Variants in ANKFN1 observed in about 807,000 individuals in gnomAD.
ANKFN1 encodes ankyrin repeat and fibronectin type III domain containing 1.
In ANKFN1, 74 loss-of-function variants were observed where a neutral mutation model predicts 108.7. The ratio of observed to expected loss-of-function variants is 0.68; its 90% CI spans 0.56 to 0.83. The LOEUF is 0.83. Ranked by LOEUF, ANKFN1 falls within the 40% of genes least tolerant of loss-of-function variation. The pLI is 0.00. For synonymous variants in ANKFN1, 547 were observed against 516.2 expected (o/e 1.06, Z -0.81); for missense variants, 1,505 against 1,382.3 (o/e 1.09, Z -1.41).
chr17:56,129,494 A>C, intron 4 of ANKFN1, among the ~76,000 whole-genome samples: 1 of 152,198 alleles, frequency 6.6e-6, no homozygotes, highest in African/African-American at 2.4e-5. Flanking sequence ...CCATAAAAAA[A>C]AAAAAGTACA....
intron 3 of ANKFN1, among the ~76,000 whole-genome samples, chr17:56,300,755 C>T (rs1215614442): frequency 1.3e-5 from 2 of 152,144 alleles, no homozygotes; most frequent in Admixed American, 1.3e-4. Flanking sequence ...AGGCAGATGT[C>T]AATCATTGGC....
At chr17:56,141,376 C>A (rs911264354) in intron 4 of ANKFN1, among the ~76,000 whole-genome samples, 4 of 152,150 alleles carry the variant, frequency 2.6e-5, no homozygotes. Flanking sequence ...CTGGCGATTT[C>A]CCCTCCATTT....
intron 6 of ANKFN1, among the ~76,000 whole-genome samples, chr17:56,364,228 A>C (rs2046601767): frequency 6.6e-6 from 1 of 152,144 alleles, no homozygotes; most frequent in Non-Finnish European, 1.5e-5. Flanking sequence ...TTATAATAAA[A>C]TAAAATTTAA....
chr17:56,338,750 G>A (rs2045883214), intron 4 of ANKFN1, among the ~76,000 whole-genome samples: 2 of 151,910 alleles, frequency 1.3e-5, no homozygotes. Context: ...CAAGATCCCA[G>A]CAAGAATCAT....
intron 8 of ANKFN1, among the ~76,000 whole-genome samples, chr17:56,408,406 C>T (rs28750350): frequency 0.019 from 2,915 of 152,100 alleles, 80 homozygotes; most frequent in African/African-American, 0.065. Context: ...CTCTGGGTTC[C>T]TGTTATGAAT....
intron 8 of ANKFN1, among the ~76,000 whole-genome samples, chr17:56,393,085 G>A (rs565113489): frequency 4.6e-5 from 7 of 152,000 alleles, no homozygotes; most frequent in African/African-American, 7.2e-5. Context: ...CCTTCATATG[G>A]TATAGTGACT....
intron 8 of ANKFN1, among the ~76,000 whole-genome samples, chr17:56,429,564 A>C (rs1472051850): frequency 2.6e-5 from 4 of 152,240 alleles, no homozygotes; most frequent in African/African-American, 4.8e-5. Flanking sequence ...GGCTATACAG[A>C]GACAGGCAGC....
At chr17:56,104,964 A>T (rs1905716749) in intron 4 of ANKFN1, among the ~76,000 whole-genome samples, 1 of 152,130 alleles carries the variant, frequency 6.6e-6, no homozygotes, top group African/African-American at 2.4e-5. Flanking sequence ...GTGAGAGGTG[A>T]TCTTTGCTCC....
intron 4 of ANKFN1, among the ~76,000 whole-genome samples, chr17:56,350,368 T>C (rs1474239109): frequency 1.3e-5 from 2 of 152,084 alleles, no homozygotes; most frequent in Non-Finnish European, 2.9e-5. Flanking sequence ...TGGATGTAAG[T>C]AGAAAAGTCC....
Position 56,244,272 on chromosome 17 carries a change from A to G in ANKFN1, c.53+16315A>G, listed in dbSNP as rs545111674. ...AATAAAAAAAGACAAGACAATGCCTATTCCCTTAAGGAGCTTATATTCCAG... is the reference window on the plus strand; with the variant it reads ...AATAAAAAAAGACAAGACAATGCCTGTTCCCTTAAGGAGCTTATATTCCAG... On this transcript the variant is annotated intron_variant, in intron 3 of 20. Coordinates refer to ENST00000682825, the MANE Select transcript of ANKFN1 (RefSeq NM_001370326.1). Among the ~76,000 whole-genome samples the G allele has an allele frequency of 8.5e-5, 13 of 152,268 alleles. No individual in the cohort carries two copies. In the East Asian group the frequency reaches 2.1e-3, roughly 25 times the overall value.
At chr17:56,461,932 A>G (rs1381005379) in intron 14 of ANKFN1, among the ~76,000 whole-genome samples, 1 of 152,206 alleles carries the variant, frequency 6.6e-6, no homozygotes, top group African/African-American at 2.4e-5. Context: ...TACCACCTGG[A>G]TGGATAGCTC....
intron 4 of ANKFN1, among the ~76,000 whole-genome samples, chr17:56,078,994 T>C (rs151114623): frequency 3.3e-5 from 5 of 152,278 alleles, no homozygotes; most frequent in Admixed American, 3.3e-4. Context: ...GCCAGCATTT[T>C]AGAGTGATCA....
intron 4 of ANKFN1, among the ~76,000 whole-genome samples, chr17:56,112,061 T>C (rs892438610): frequency 1.3e-5 from 2 of 152,246 alleles, no homozygotes; most frequent in Non-Finnish European, 2.9e-5. Flanking sequence ...ATTAAATTTG[T>C]TCATGCAAGG....
chr17:56,387,620 G>T (rs2047312541), intron 8 of ANKFN1, among the ~76,000 whole-genome samples: 1 of 152,196 alleles, frequency 6.6e-6, no homozygotes, highest in African/African-American at 2.4e-5. Flanking sequence ...AAAAGAGTGT[G>T]TAAACTCCAT....
intron 3 of ANKFN1, among the ~76,000 whole-genome samples, chr17:56,246,582 C>G (rs555092978): frequency 9.2e-5 from 14 of 152,010 alleles, no homozygotes; most frequent in Non-Finnish European, 1.9e-4. Context: ...AAGGACTTAG[C>G]CTACTAAGTA....
At chr17:56,362,942 G>A (rs1222590346) in intron 6 of ANKFN1, among the ~76,000 whole-genome samples, 1 of 152,198 alleles carries the variant, frequency 6.6e-6, no homozygotes, top group Non-Finnish European at 1.5e-5. Flanking sequence ...CAGGTGCAGT[G>A]GCTCATGCCT....
intron 6 of ANKFN1, chr17:56,368,125 C>A: frequency 8.0e-7 from 1 of 1,244,172 alleles, no homozygotes. Flanking sequence ...GACAATGAGC[C>A]TGATCACTAT....
intron 3 of ANKFN1, among the ~76,000 whole-genome samples, chr17:56,235,107 T>C (rs1917026024): frequency 6.6e-6 from 1 of 152,236 alleles, no homozygotes; most frequent in African/African-American, 2.4e-5. Flanking sequence ...TGTTCGGTGA[T>C]ATTTGACTTT....
chr17:56,480,558 T>C (rs2050659068), intron 16 of ANKFN1, 110 bp from the exon 17 acceptor site: 1 of 1,163,464 alleles, frequency 8.6e-7, no homozygotes, highest in African/African-American at 1.6e-5. Flanking sequence ...CACTGAGTTT[T>C]AACCACCAAG....
Sources: allele counts gnomAD v4.1 joint callset (sites outside exome capture counted in the v4.1 genomes callset), GRCh38; gene constraint gnomAD v4.1.1; transcripts MANE v1.5; gene names NCBI Gene and HGNC (gene_info 2026-07-23, HGNC 2026-07-21).